The following CCL25 variants were observed in gnomAD, a reference collection of about 807,000 sequenced individuals.
CCL25 encodes the protein C-C motif chemokine 25.
Under a neutral mutation model 19.9 loss-of-function variants are expected in CCL25, and 14 were observed. That is an observed-to-expected ratio of 0.70 (90% CI 0.47 to 1.10). The LOEUF (loss-of-function observed/expected upper bound fraction) is 1.10. Ranked by LOEUF, CCL25 falls within the 50% of genes least tolerant of loss-of-function variation. The pLI is 0.00. For synonymous variants in CCL25, 68 were observed against 73.2 expected, an observed-to-expected ratio of 0.93 and a Z score of 0.36; for missense variants, 151 against 181.2, an observed-to-expected ratio of 0.83 and a Z score of 0.96.
rs374780786 is a variant in CCL25, at chr19:8,057,680, C to G, written c.326-121C>G. 1.8e-3 allele frequency: 2,536 copies of G among 1,400,130 alleles called. 58 individuals carry two copies. In the South Asian group the frequency reaches 0.033, roughly 18 times the overall value. 86.7% of individuals were successfully genotyped at this position (1,400,130 alleles called of 1,614,324 possible). ...ACTTTCCACTGGTACAGATGGAAAG[C>G]TCAAGCACATGGGAGACTCATTGGC... On this transcript the variant is annotated intron_variant, in intron 4 of 5. Transcript: ENST00000315626.
At chr19:8,052,953 C>G (rs2081242391) in intron 1 of CCL25, 47 bp from the exon 2 acceptor site, 3 of 748,264 alleles carry the variant, frequency 4.0e-6, no homozygotes, top group Non-Finnish European at 6.6e-6. Flanking sequence ...CCAGTACCCA[C>G]TCCCCTCCTC....
rs1200023352 is a variant in CCL25 at position 8,053,195 on chromosome 19, A to T, written c.73+73A>T. 3.2e-6 allele frequency: 3 copies of T among 949,634 alleles called. No homozygotes were observed. The African/African-American group carries it at 4.9e-5, about 16-fold the overall frequency. 58.8% of individuals were successfully genotyped at this position (949,634 alleles called of 1,614,324 possible). On this transcript the variant is annotated intron_variant, in intron 2 of 5. Transcript: ENST00000315626. ...CCCCACCCCACCCCTTTTGTCTCTT[A>T]TCTCCTCCGGAAGTCTCCCCAATCC...
At chr19:8,055,283 TG>T (rs1257472682) in intron 2 of CCL25, among the ~76,000 whole-genome samples, 3 of 57,172 alleles carry the variant, frequency 5.2e-5, no homozygotes, top group Admixed American at 1.4e-4. Flanking sequence ...AGTGAGACTC[TG>T]GAAAAAAAAA....
At position 8,060,685 on chromosome 19, in the gene CCL25, AT is replaced by A. The variant is rs768184366; in HGVS notation, c.446-1520del. Among the ~76,000 whole-genome samples the A allele has an allele frequency of 2.7e-3, 375 of 141,340 alleles. 1 individual carries two copies. Among genetic ancestry groups the A allele is most frequent in the Middle Eastern group, 7.4e-3 (2 of 270 alleles). 92.7% of individuals were successfully genotyped at this position (141,340 alleles called of 152,430 possible). A position where few individuals can be genotyped will look rare whatever the true frequency, so the allele number is the denominator to read the frequency against. On this transcript the variant is annotated intron_variant, in intron 5 of 5. Coordinates refer to ENST00000315626, the MANE Select transcript of CCL25 (RefSeq NM_005624.4). Reference sequence around the variant, plus strand: ...GGCCAGTACCCTCAGCTTACCAGGGATTTTTTTTTTTTTGAGATGGAGTCTT... The same window carrying A: ...GGCCAGTACCCTCAGCTTACCAGGGATTTTTTTTTTTTGAGATGGAGTCTT...
intron 4 of CCL25, among the ~76,000 whole-genome samples, chr19:8,057,267 G>T (rs1254019505): frequency 1.3e-5 from 2 of 151,984 alleles, no homozygotes; most frequent in African/African-American, 4.8e-5. Context: ...TGATCTGCCC[G>T]CCTTGGCCTC....
chr19:8,054,683 C>G (rs1203796842), intron 2 of CCL25, among the ~76,000 whole-genome samples: 2 of 151,962 alleles, frequency 1.3e-5, no homozygotes, highest in Admixed American at 6.6e-5. Context: ...GGGCACCCCC[C>G]ACAGTGCCTG....
chr19:8,054,744 A>C (rs2081257332), intron 2 of CCL25, among the ~76,000 whole-genome samples: 1 of 151,212 alleles, frequency 6.6e-6, no homozygotes, highest in South Asian at 2.1e-4. Flanking sequence ...CCTGAAGACA[A>C]CACTAGGTCT....
In CCL25 at chr19:8,060,600, A is replaced by T. The variant is rs1599234653; in HGVS notation, c.446-1618A>T. Among the ~76,000 whole-genome samples, 3 of 151,556 alleles carry T rather than the reference A, an allele frequency of 2.0e-5. No homozygotes were observed. The East Asian group carries it at 5.8e-4, about 29-fold the overall frequency. On this transcript the variant is annotated intron_variant, in intron 5 of 5. Transcript: ENST00000315626. The stretch of plus-strand genomic sequence containing the variant: ...GTGGCGCAATTGTAGCTCACTGCCT[A>T]ATTGAGCAGCTAGGACTACATAGCT...
chr19:8,056,610 C>T (rs2081274592), intron 4 of CCL25, 111 bp downstream of exon 4: 5 of 1,233,388 alleles, frequency 4.1e-6, no homozygotes, highest in Non-Finnish European at 5.7e-6. Flanking sequence ...CTGACACCTG[C>T]CTGAACCCCA....
upstream of CCL25, chr19:8,052,682 G>C (rs1054111138): frequency 1.4e-5 from 3 of 214,298 alleles, no homozygotes; most frequent in East Asian, 2.8e-4. Context: ...TGGAGAGGAG[G>C]AGGAAGGGAG....
intron 5 of CCL25, among the ~76,000 whole-genome samples, chr19:8,059,901 A>C (rs1282655760): frequency 6.6e-6 from 1 of 151,886 alleles, no homozygotes; most frequent in East Asian, 1.9e-4. Context: ...CATCCAGGCT[A>C]ACATGGTGAA....
At chr19:8,062,035 C>T (rs112203009) in intron 5 of CCL25, among the ~76,000 whole-genome samples, 183 bp from the exon 6 acceptor site, 4 of 121,160 alleles carry the variant, frequency 3.3e-5, no homozygotes, top group Non-Finnish European at 6.5e-5. Context: ...GGCGACAGAG[C>T]GAGACTGTCT....
chr19:8,060,926 A>G (rs1250558393), intron 5 of CCL25, among the ~76,000 whole-genome samples: 12 of 148,458 alleles, frequency 8.1e-5, no homozygotes, highest in Non-Finnish European at 1.6e-4. Context: ...ATGATCCACC[A>G]GCCTCAGCCT....
In CCL25 at chr19:8,056,253, A is replaced by T; in HGVS notation, c.175A>T (p.Asn59Tyr). The T allele has an allele frequency of 6.6e-7, 1 of 1,506,276 alleles. No individual in the cohort carries two copies. Among genetic ancestry groups the T allele is most frequent in the Non-Finnish European group, 9.0e-7 (1 of 1,114,392 alleles). 93.3% of individuals were successfully genotyped at this position (1,506,276 alleles called of 1,614,324 possible). ...YRIQEVSGSC[N>Y]LPAAIFYLPK... is the part of the protein sequence containing the mutation. ...GATCCAGGAGGTGAGCGGGAGCTGC[A>T]ATCTGCCTGCTGCGATGTGAGTGGG... The change falls in exon 3 of 6, where the codon AAT becomes TAT. Residue 59 changes from asparagine to tyrosine, a missense_variant. Physicochemically the swap from Asn to Tyr is moderately radical, Grantham distance 143. Coordinates refer to ENST00000315626, the MANE Select transcript of CCL25 (RefSeq NM_005624.4).
Position 8,062,243 on chromosome 19 carries a change from C to T in CCL25, c.*18C>T. On this transcript the variant is annotated 3_prime_UTR_variant, in exon 6 of 6. Coordinates refer to ENST00000315626, the MANE Select transcript of CCL25 (RefSeq NM_005624.4). ...GACTGTGAGCCGGCTCATTTCTGGG[C>T]TCCATCGGCACAGGAGGGGCCGGAT... The T allele has an allele frequency of 6.2e-7, 1 of 1,612,808 alleles. No individual in the cohort carries two copies. The highest frequency in any genetic ancestry group is 1.3e-5 in the African/African-American group (1 of 74,972).
Position 8,056,370 on chromosome 19 carries a change from T to C in CCL25, c.196T>C (p.Tyr66His), listed in dbSNP as rs1441736890. Residue 66 changes from tyrosine (Y) to histidine (H), a missense_variant, in exon 4 of 6, where the codon TAC becomes CAC. Coordinates refer to ENST00000315626, the MANE Select transcript of CCL25 (RefSeq NM_005624.4). ...GSCNLPAAIF[Y>H]LPKRHRKVCG... ...ACCCCCCTCTGCTCACCACAGATTCTACCTCCCCAAGAGACACAGGAAGGT... is the reference window on the plus strand; with the variant it reads ...ACCCCCCTCTGCTCACCACAGATTCCACCTCCCCAAGAGACACAGGAAGGT... 6.2e-7 allele frequency: 1 copy of C among 1,613,072 alleles called. No homozygotes were observed. Among genetic ancestry groups the C allele is most frequent in the African/African-American group, 1.3e-5 (1 of 74,910 alleles).
intron 4 of CCL25, among the ~76,000 whole-genome samples, chr19:8,057,310 A>G (rs940362598): frequency 6.7e-6 from 1 of 149,120 alleles, no homozygotes; most frequent in Admixed American, 6.7e-5. Context: ...ATGAACCACC[A>G]TGCCTGGCTC....
intron 5 of CCL25, among the ~76,000 whole-genome samples, 180 bp downstream of exon 5, chr19:8,058,100 C>T (rs997292996): frequency 1.3e-5 from 2 of 151,808 alleles, no homozygotes; most frequent in South Asian, 2.1e-4. Context: ...TGCTGTGACT[C>T]AGCGCAAAGA....
intron 5 of CCL25, among the ~76,000 whole-genome samples, chr19:8,059,687 C>T (rs566324097): frequency 2.0e-5 from 3 of 152,240 alleles, no homozygotes; most frequent in Admixed American, 1.3e-4. Flanking sequence ...CTCATGGAAG[C>T]GCTCTACTTG....
Sources: allele counts gnomAD v4.1 joint callset (sites outside exome capture counted in the v4.1 genomes callset), GRCh38; gene constraint gnomAD v4.1.1; transcripts MANE v1.5; gene names NCBI Gene and HGNC (gene_info 2026-07-23, HGNC 2026-07-21).